Variants in TCF3 observed in about 807,000 individuals in gnomAD.
TCF3 encodes the protein transcription factor 3, also known as transcription factor E2-alpha.
In TCF3, 54 loss-of-function variants were observed where a neutral mutation model predicts 72.3. The observed-to-expected ratio is 0.75, with a 90% CI of 0.60 to 0.94. The LOEUF is 0.94. Among genes scored for constraint, TCF3 ranks in the 40% least tolerant of loss-of-function variants. The pLI is 0.00. For synonymous variants in TCF3, 525 were observed against 412.6 expected (o/e 1.27, Z -3.30); for missense variants, 1,078 against 934.4 (o/e 1.15, Z -2.00).
intron 1 of TCF3, 89 bp downstream of exon 1, chr19:1,652,211 C>T (rs993867089): frequency 1.3e-5 from 2 of 148,656 alleles, no homozygotes; most frequent in Non-Finnish European, 1.5e-5. Context: ...CGCGCCCCCC[C>T]CCAACAAGCG....
At chr19:1,631,135 C>T (rs1315597332) in intron 5 of TCF3, among the ~76,000 whole-genome samples, 3 of 152,210 alleles carry the variant, frequency 2.0e-5, no homozygotes, top group Non-Finnish European at 4.4e-5. Context: ...AGAGCTGGGT[C>T]AGTCCTCACC....
Position 1,611,393 on chromosome 19 carries a change from G to T in TCF3, c.*314C>A. On this transcript the variant is annotated 3_prime_UTR_variant, in exon 19 of 19. Coordinates refer to ENST00000262965, the MANE Select transcript of TCF3 (RefSeq NM_003200.5). ...TACTGGAAAAAAAAAAAATGCTCCT[G>T]TCAGCCCAGGCAACAGGGCCAAGAT... 2.5e-6 allele frequency: 1 copy of T among 400,700 alleles called. No individual in the cohort carries two copies. The highest frequency in any genetic ancestry group is 4.3e-5 in the Admixed American group (1 of 23,332). The allele number at this position is 400,700 out of a possible 1,614,324, so 24.8% of individuals were successfully genotyped here.
rs536404733 is a variant in TCF3 at position 1,609,759 on chromosome 19, G to A, written c.*1948C>T. 7.3e-4 allele frequency: 169 copies of A among 230,540 alleles called. No individual in the cohort carries two copies. The highest frequency in any genetic ancestry group is 3.5e-3 in the African/African-American group (160 of 45,184). 14.3% of individuals were successfully genotyped at this position (230,540 alleles called of 1,614,324 possible). A position where few individuals can be genotyped will look rare whatever the true frequency, so the allele number is the denominator to read the frequency against. ...GGGGGCAGATACCAGGCATTGAGCT[G>A]GCCTTGAGGTTTCCCTTGCATCTAC... On this transcript the variant is annotated 3_prime_UTR_variant, in exon 19 of 19. Transcript: ENST00000262965.
chr19:1,644,406 C>T (rs904233942), intron 3 of TCF3, among the ~76,000 whole-genome samples: 3 of 152,142 alleles, frequency 2.0e-5, no homozygotes, highest in African/African-American at 7.2e-5. Context: ...AGGGGGTCAC[C>T]CCTCTGTGTC....
chr19:1,622,766 C>T (rs1473667660), intron 8 of TCF3, among the ~76,000 whole-genome samples: 2 of 152,208 alleles, frequency 1.3e-5, no homozygotes, highest in Admixed American at 6.5e-5. Flanking sequence ...CACCCCATCC[C>T]ATCCTTCTCC....
chr19:1,618,324 C>T (rs554753186), intron 16 of TCF3, among the ~76,000 whole-genome samples: 532 of 152,272 alleles, frequency 3.5e-3, no homozygotes, highest in Non-Finnish European at 6.0e-3. Context: ...GCCCTGTGGC[C>T]TCTGCCTTGG....
At chr19:1,618,145 T>A (rs745314885) in intron 16 of TCF3, among the ~76,000 whole-genome samples, 1 of 152,066 alleles carries the variant, frequency 6.6e-6, no homozygotes, top group Non-Finnish European at 1.5e-5. Flanking sequence ...CTTTGTCCCC[T>A]TCCTTACGGA....
At chr19:1,619,267 G>A (rs1485978137) in intron 15 of TCF3, 33 bp from the exon 16 acceptor site, 1 of 1,574,812 alleles carries the variant, frequency 6.3e-7, no homozygotes, top group Non-Finnish European at 8.6e-7. Context: ...GCATCAGGGG[G>A]AGCCGGGTCC....
Position 1,614,295 on chromosome 19 carries a change from C to G in TCF3, c.1822+990G>C, listed in dbSNP as rs759116773. On this transcript the variant is annotated intron_variant, in intron 18 of 18. Coordinates refer to ENST00000262965, the MANE Select transcript of TCF3 (RefSeq NM_003200.5). This position sits in a 1 kb window ranked among gnomAD's most constrained non-coding sequence, Gnocchi z 5.6. The stretch of plus-strand genomic sequence containing the variant: ...AGGACAAGCGCACAGACCAAACTGA[C>G]AGGACCAGGGGCTGCGTGCTCCCGG... 9.2e-5 allele frequency among the ~76,000 whole-genome samples: 14 copies of G among 152,230 alleles called. No individual in the cohort carries two copies. The highest frequency in any genetic ancestry group is 8.8e-5 in the Non-Finnish European group (6 of 68,034).
At chr19:1,626,289 A>G (rs1271235470) in intron 6 of TCF3, among the ~76,000 whole-genome samples, 5 of 152,146 alleles carry the variant, frequency 3.3e-5, no homozygotes, top group Admixed American at 6.5e-5. Context: ...CGTCTCTACA[A>G]AGAATACAAA....
intron 3 of TCF3, among the ~76,000 whole-genome samples, chr19:1,642,592 C>T (rs2065494242): frequency 6.6e-6 from 1 of 152,168 alleles, no homozygotes; most frequent in African/African-American, 2.4e-5. Flanking sequence ...CCGAGAAGAC[C>T]ACCGCCCTCT....
chr19:1,638,986 G>A lies in TCF3; in HGVS notation c.146-6581C>T, dbSNP rs560697429. ...GATACAACCAGGAGCACAAAGATCT[G>A]CCAAGCCACACCAACAAAAAGGAAG... is the stretch of plus-strand genomic sequence containing the variant. On this transcript the variant is annotated intron_variant, in intron 3 of 18. Transcript: ENST00000262965. Among the ~76,000 whole-genome samples the A allele has an allele frequency of 5.3e-5, 8 of 152,310 alleles. No individual in the cohort carries two copies. In the East Asian group the frequency reaches 1.2e-3, roughly 22 times the overall value.
At position 1,614,851 on chromosome 19, in the gene TCF3, G is replaced by C. The variant is rs1212289563; in HGVS notation, c.1822+434C>G. ...GGATGGGCTCATGTGGCCTTGCGTG[G>C]CATCTGCCTGACGGGAAGGGGCCAG... On this transcript the variant is annotated intron_variant, in intron 18 of 18. Coordinates refer to ENST00000262965, the MANE Select transcript of TCF3 (RefSeq NM_003200.5). This position sits in a 1 kb window ranked among gnomAD's most constrained non-coding sequence, Gnocchi z 5.6. Among the ~76,000 whole-genome samples the C allele has an allele frequency of 6.6e-6, 1 of 152,130 alleles. No homozygotes were observed. Among genetic ancestry groups the C allele is most frequent in the East Asian group, 1.9e-4 (1 of 5,180 alleles).
intron 4 of TCF3, 26 bp downstream of exon 4, chr19:1,632,300 CTCAGGG>C: frequency 1.3e-6 from 2 of 1,565,506 alleles, no homozygotes. Flanking sequence ...GGACAGGAAA[CTCAGGG>C]TCTCAGGCCT....
chr19:1,630,874 G>A (rs2063627132), intron 5 of TCF3, among the ~76,000 whole-genome samples: 1 of 152,130 alleles, frequency 6.6e-6, no homozygotes, highest in Non-Finnish European at 1.5e-5. Flanking sequence ...CGCAGGAGGC[G>A]GAGCATGTGA....
Position 1,622,425 on chromosome 19 carries a change from G to T in TCF3, c.550-10C>A. 2.2e-6 allele frequency: 3 copies of T among 1,355,752 alleles called. No homozygotes were observed. The highest frequency in any genetic ancestry group is 3.0e-6 in the Non-Finnish European group (3 of 1,015,602). The allele number at this position is 1,355,752 out of a possible 1,614,324, so 84.0% of individuals were successfully genotyped here. ...AGCTGGGTGGGTACACCTGCGGGCG[G>T]GTGGGCGGTGGGGGGTGCAGTCAGG... On this transcript the variant is annotated splice_polypyrimidine_tract_variant and intron_variant, in intron 8 of 18. Transcript: ENST00000262965.
Position 1,611,475 on chromosome 19 carries a change from G to A in TCF3, c.*232C>T. The A allele has an allele frequency of 1.2e-5, 6 of 502,712 alleles. No homozygotes were observed. Among genetic ancestry groups the A allele is most frequent in the East Asian group, 3.2e-5 (1 of 31,362 alleles). The allele number at this position is 502,712 out of a possible 1,614,324, so 31.1% of individuals were successfully genotyped here. Reference sequence around the variant, plus strand: ...AGTGACACGGTGGCTGAGATTCGGGGACAGGGGGAGCGAGGCCAGTGAGTG... The same window carrying A: ...AGTGACACGGTGGCTGAGATTCGGGAACAGGGGGAGCGAGGCCAGTGAGTG... On this transcript the variant is annotated 3_prime_UTR_variant, in exon 19 of 19. Coordinates refer to ENST00000262965, the MANE Select transcript of TCF3 (RefSeq NM_003200.5).
chr19:1,638,467 C>T (rs912741693), intron 3 of TCF3, among the ~76,000 whole-genome samples: 6 of 152,230 alleles, frequency 3.9e-5, no homozygotes, highest in South Asian at 4.2e-4. Flanking sequence ...GTATTTTTAA[C>T]AGATACGGCA....
At chr19:1,639,075 G>C (rs374138877) in intron 3 of TCF3, among the ~76,000 whole-genome samples, 1 of 152,314 alleles carries the variant, frequency 6.6e-6, no homozygotes, top group East Asian at 1.9e-4. Context: ...ACAGAGTCTC[G>C]CTGTGTCGCC....
Sources: allele counts gnomAD v4.1 joint callset (sites outside exome capture counted in the v4.1 genomes callset), GRCh38; gene constraint gnomAD v4.1.1; non-coding constraint Gnocchi (gnomAD v3.1); transcripts MANE v1.5; gene names NCBI Gene and HGNC (gene_info 2026-07-23, HGNC 2026-07-21).